The following SULF1 variants were observed in gnomAD, a reference collection of about 807,000 sequenced individuals.
The protein encoded by SULF1 is extracellular sulfatase Sulf-1.
A neutral mutation model predicts 110.5 loss-of-function variants in SULF1; 46 were observed. The ratio of observed to expected loss-of-function variants is 0.42; its 90% CI spans 0.33 to 0.53. SULF1 has a LOEUF of 0.53. SULF1 is among the 20% of genes least tolerant of loss of function. The pLI, the probability that SULF1 is intolerant of heterozygous loss-of-function variation, is 0.12. For synonymous variants in SULF1, 371 were observed against 387.1 expected (o/e 0.96, Z 0.49); for missense variants, 941 against 1,094.2 (o/e 0.86, Z 1.98).
intron 2 of SULF1, among the ~76,000 whole-genome samples, chr8:69,497,756 CG>C (rs1205217102): frequency 6.6e-6 from 1 of 152,016 alleles, no homozygotes; most frequent in Non-Finnish European, 1.5e-5. Flanking sequence ...TTCTGAACAA[CG>C]GGGACAACCA....
intron 22 of SULF1, among the ~76,000 whole-genome samples, chr8:69,647,997 G>T (rs1041833735): frequency 6.6e-6 from 1 of 151,344 alleles, no homozygotes; most frequent in Non-Finnish European, 1.5e-5. Context: ...ATACTAGCAG[G>T]ACGCCAAAAT....
intron 6 of SULF1, among the ~76,000 whole-genome samples, chr8:69,581,177 A>G (rs1806035464): frequency 6.6e-6 from 1 of 152,340 alleles, no homozygotes; most frequent in East Asian, 1.9e-4. Context: ...ATTAATCATA[A>G]TTTTAACTTG....
chr8:69,651,899 C>G (rs912498787), intron 22 of SULF1, among the ~76,000 whole-genome samples: 2 of 152,118 alleles, frequency 1.3e-5, no homozygotes, highest in African/African-American at 4.8e-5. Flanking sequence ...GCCTTTAAAA[C>G]AACACAAATT....
intron 1 of SULF1, among the ~76,000 whole-genome samples, chr8:69,476,760 G>A (rs548756985): frequency 6.6e-6 from 1 of 152,278 alleles, no homozygotes; most frequent in South Asian, 2.1e-4. Flanking sequence ...CAGACATGAG[G>A]GATTAATTGA....
chr8:69,545,819 A>C (rs1398354393), intron 3 of SULF1, among the ~76,000 whole-genome samples: 1 of 152,040 alleles, frequency 6.6e-6, no homozygotes, highest in Non-Finnish European at 1.5e-5. Context: ...GCCGCAGTCC[A>C]CGCCCAGCTG....
In SULF1 at chr8:69,658,381, G is replaced by T; in HGVS notation, c.2586-124G>T. 4.4e-6 allele frequency: 3 copies of T among 685,144 alleles called. No homozygotes were observed. In the South Asian group the frequency reaches 5.9e-5, roughly 13 times the overall value. The allele number at this position is 685,144 out of a possible 1,614,324, so 42.4% of individuals were successfully genotyped here. ...ACTCTGTGATAACAAATGACTAGGG[G>T]AAAATGCTTTTGAGTGTCATACTTC... On this transcript the variant is annotated intron_variant, in intron 22 of 22. Transcript: ENST00000402687.
chr8:69,474,200 A>G (rs2150533063), intron 1 of SULF1, among the ~76,000 whole-genome samples: 1 of 152,364 alleles, frequency 6.6e-6, no homozygotes, highest in South Asian at 2.1e-4. Flanking sequence ...ATTAAAAGAT[A>G]TTAGCTATAC....
rs765235712 is a variant in SULF1, at chr8:69,627,856, A to G, written c.2032A>G (p.Ser678Gly). The change falls in exon 17 of 23, where the codon AGT becomes GGT. Residue 678 changes from serine to glycine, a missense_variant. Physicochemically the swap from Ser to Gly is moderately conservative, Grantham distance 56. Coordinates refer to ENST00000402687, the MANE Select transcript of SULF1 (RefSeq NM_001128205.2). ...AAGGAAGCCTGAGGAATGTAGCTGC[A>G]GTAAACAAAGGTGAGCTTGTTTCCA... The part of the protein sequence containing the change: ...KRRKPEECSC[S>G]KQSYYNKEKG... The G allele has an allele frequency of 5.6e-6, 9 of 1,612,314 alleles. No homozygotes were observed.
In SULF1 at chr8:69,521,500, T is replaced by C. The variant is rs201297161; in HGVS notation, c.-134+19532T>C. 5.9e-5 allele frequency among the ~76,000 whole-genome samples: 9 copies of C among 152,184 alleles called. No homozygotes were observed. In the East Asian group the frequency reaches 1.7e-3, roughly 29 times the overall value. ...ACAAAGACTTGAAGGAGTGAGGAAGTAGCAACCAGATCTTGACGAAGAATG... is the reference window on the plus strand; with the variant it reads ...ACAAAGACTTGAAGGAGTGAGGAAGCAGCAACCAGATCTTGACGAAGAATG... On this transcript the variant is annotated intron_variant, in intron 3 of 22. Transcript: ENST00000402687.
At chr8:69,515,745 A>T (rs1452247673) in intron 3 of SULF1, among the ~76,000 whole-genome samples, 1 of 152,242 alleles carries the variant, frequency 6.6e-6, no homozygotes, top group Non-Finnish European at 1.5e-5. Flanking sequence ...TTTTAGAAGC[A>T]GTCAGGCCAT....
At chr8:69,630,062 C>T (rs1182636312) in intron 19 of SULF1, among the ~76,000 whole-genome samples, 9 of 152,160 alleles carry the variant, frequency 5.9e-5, no homozygotes, top group Admixed American at 2.6e-4. Flanking sequence ...ATTTCAAGTA[C>T]ATAAGTGTAA....
intron 13 of SULF1, among the ~76,000 whole-genome samples, chr8:69,606,718 GCTAA>G (rs1348789018): frequency 6.6e-6 from 1 of 152,208 alleles, no homozygotes; most frequent in Non-Finnish European, 1.5e-5. Flanking sequence ...CGAGCTGAAT[GCTAA>G]CTAAGTTACA....
chr8:69,543,386 CT>C (rs1161251603), intron 3 of SULF1, among the ~76,000 whole-genome samples: 4 of 152,084 alleles, frequency 2.6e-5, no homozygotes, highest in African/African-American at 9.7e-5. Flanking sequence ...CCACCCTCCC[CT>C]CACAGACCTT....
At chr8:69,642,528 C>A (rs1440038717) in intron 22 of SULF1, 1 of 387,634 alleles carries the variant, frequency 2.6e-6, no homozygotes, top group East Asian at 1.6e-4. Flanking sequence ...TTGAGCTGGT[C>A]TCCCCTGGGT....
chr8:69,599,238 T>C (rs978736534), intron 8 of SULF1, among the ~76,000 whole-genome samples: 1 of 152,230 alleles, frequency 6.6e-6, no homozygotes, highest in African/African-American at 2.4e-5. Flanking sequence ...CAGCCGTCAT[T>C]ATCCACATCA....
At chr8:69,545,365 T>C (rs1364223430) in intron 3 of SULF1, among the ~76,000 whole-genome samples, 1 of 152,112 alleles carries the variant, frequency 6.6e-6, no homozygotes, top group African/African-American at 2.4e-5. Flanking sequence ...GAAAAAACAG[T>C]AGGGTTAGTT....
At chr8:69,551,147 T>C (rs1222955223) in intron 3 of SULF1, among the ~76,000 whole-genome samples, 1 of 152,244 alleles carries the variant, frequency 6.6e-6, no homozygotes, top group African/African-American at 2.4e-5. Flanking sequence ...ATTGGTAAAC[T>C]GAGTCAGGGC....
At chr8:69,525,976 C>A (rs13274861) in intron 3 of SULF1, among the ~76,000 whole-genome samples, 1 of 152,002 alleles carries the variant, frequency 6.6e-6, no homozygotes, top group Non-Finnish European at 1.5e-5. Flanking sequence ...TGTAGTAACA[C>A]CCTAGCTCTA....
chr8:69,503,885 C>T (rs1246747960), intron 3 of SULF1, among the ~76,000 whole-genome samples: 2 of 151,996 alleles, frequency 1.3e-5, no homozygotes, highest in South Asian at 2.1e-4. Flanking sequence ...CTGCAACCTC[C>T]GACCCCTGAG....
Sources: gnomAD v4.1 joint callset for allele counts (sites outside exome capture counted in the v4.1 genomes callset) on GRCh38, gnomAD v4.1.1 for gene constraint, MANE v1.5 for transcripts, NCBI Gene and HGNC (gene_info 2026-07-23, HGNC 2026-07-21) for gene names.